Variants in DLGAP2 observed in about 807,000 individuals in gnomAD.
The protein encoded by DLGAP2 is DLG associated protein 2, also known as disks large-associated protein 2.
A neutral mutation model predicts 100.3 loss-of-function variants in DLGAP2; 26 were observed. The ratio of observed to expected loss-of-function variants is 0.26; its 90% CI spans 0.19 to 0.36. DLGAP2 has a LOEUF of 0.36. DLGAP2 is among the 10% of genes least tolerant of loss of function. The pLI is 1.00. For missense variants in DLGAP2, 1,858 were observed against 1,453.2 expected (o/e 1.28, Z -4.53); for synonymous variants, 886 against 630.1 (o/e 1.41, Z -6.08).
chr8:870,053 C>T lies in DLGAP2; in HGVS notation c.19-37859C>T, dbSNP rs926836576. On this transcript the variant is annotated intron_variant, in intron 1 of 14. Coordinates refer to ENST00000637795, the MANE Select transcript of DLGAP2 (RefSeq NM_001346810.2). ...TGAGACTTAAAGTCAAATTCTGGGTCGTCTTTTCATTTCTTATTGTACATT... is the reference window on the plus strand; with the variant it reads ...TGAGACTTAAAGTCAAATTCTGGGTTGTCTTTTCATTTCTTATTGTACATT... Among the ~76,000 whole-genome samples the T allele has an allele frequency of 2.7e-5, 4 of 150,884 alleles. No homozygotes were observed. The East Asian group carries it at 5.8e-4, about 22-fold the overall frequency.
chr8:864,467 G>A (rs1040378598), intron 1 of DLGAP2, among the ~76,000 whole-genome samples: 30 of 152,304 alleles, frequency 2.0e-4, no homozygotes, highest in Admixed American at 9.1e-4. Flanking sequence ...CAACTATTGT[G>A]AGTCAACTAG....
intron 6 of DLGAP2, among the ~76,000 whole-genome samples, chr8:1,601,822 C>G (rs1760108463): frequency 6.6e-6 from 1 of 152,146 alleles, no homozygotes; most frequent in Non-Finnish European, 1.5e-5. Flanking sequence ...TCCTCTCAAT[C>G]CTTGCATAAT....
chr8:1,289,759 C>T (rs567137174), intron 3 of DLGAP2, among the ~76,000 whole-genome samples: 12 of 152,234 alleles, frequency 7.9e-5, no homozygotes, highest in Non-Finnish European at 1.6e-4. Context: ...GCCTCCCCCG[C>T]GAATGCAGGA....
chr8:1,422,357 C>T lies in DLGAP2; in HGVS notation c.107-79009C>T, dbSNP rs548294041. 6.6e-5 allele frequency among the ~76,000 whole-genome samples: 10 copies of T among 152,262 alleles called. No homozygotes were observed. The East Asian group carries it at 1.9e-3, about 29-fold the overall frequency. ...TATGTACCTGTGAAATTTCCGTCCA[C>T]TGCAAGCGAAGTTACACAACTCAAG... On this transcript the variant is annotated intron_variant, in intron 3 of 14. Transcript: ENST00000637795.
At chr8:1,243,854 G>A (rs1798849683) in intron 2 of DLGAP2, among the ~76,000 whole-genome samples, 1 of 152,178 alleles carries the variant, frequency 6.6e-6, no homozygotes, top group Admixed American at 6.5e-5. Context: ...AGGCCCCTGA[G>A]TAACCTCACT....
rs901321785 is a variant in DLGAP2, at chr8:1,032,862, A to C, written c.73+124896A>C. ...GGCATGGACGTTAAAGATGGACAAA[A>C]GAATTGTTCACGGTGTTGTATTTTA... is the stretch of plus-strand genomic sequence containing the variant. On this transcript the variant is annotated intron_variant, in intron 2 of 14. Transcript: ENST00000637795. 5.3e-5 allele frequency: 8 copies of C among 152,362 alleles called. No individual in the cohort carries two copies. In the East Asian group the frequency reaches 1.4e-3, roughly 26 times the overall value. 9.4% of individuals were successfully genotyped at this position (152,362 alleles called of 1,614,324 possible).
At chr8:973,171 C>A (rs1260983783) in intron 2 of DLGAP2, among the ~76,000 whole-genome samples, 2 of 152,156 alleles carry the variant, frequency 1.3e-5, no homozygotes, top group Non-Finnish European at 2.9e-5. Context: ...CAGAGGGGCT[C>A]CTCACTTCCC....
rs1797311598 is a variant in DLGAP2, at chr8:1,178,600, C to G, written c.74-80251C>G. 2.0e-5 allele frequency among the ~76,000 whole-genome samples: 3 copies of G among 152,070 alleles called. No individual in the cohort carries two copies. In the South Asian group the frequency reaches 6.2e-4, roughly 32 times the overall value. ...GACATCTCTCTTTTTTTTAGGTAAGCTTAGCTCCTACTTAATTTTGCCCAG... is the reference window on the plus strand; with the variant it reads ...GACATCTCTCTTTTTTTTAGGTAAGGTTAGCTCCTACTTAATTTTGCCCAG... On this transcript the variant is annotated intron_variant, in intron 2 of 14. Transcript: ENST00000637795.
chr8:1,068,661 G>C (rs1238615769), intron 2 of DLGAP2, among the ~76,000 whole-genome samples: 1 of 152,140 alleles, frequency 6.6e-6, no homozygotes, highest in African/African-American at 2.4e-5. Context: ...CGGAGGGAGG[G>C]AAGTGCTGCA....
At chr8:1,431,286 T>C (rs565485879) in intron 3 of DLGAP2, among the ~76,000 whole-genome samples, 1 of 152,334 alleles carries the variant, frequency 6.6e-6, no homozygotes, top group East Asian at 1.9e-4. Context: ...TTTTGTAATG[T>C]TTTTAAAGAC....
intron 6 of DLGAP2, chr8:1,621,828 G>T (rs796648095): frequency 1.3e-5 from 2 of 152,268 alleles, no homozygotes; most frequent in African/African-American, 4.8e-5. Context: ...GCAGTCAAGA[G>T]CCCAGAGATG....
At chr8:1,146,598 C>CGCATGTGTGTGCATGCACGTGTGTGCAT (rs1270880344) in intron 2 of DLGAP2, among the ~76,000 whole-genome samples, 3 of 151,880 alleles carry the variant, frequency 2.0e-5, no homozygotes, top group African/African-American at 4.8e-5. Flanking sequence ...TGTGCACCTG[C>CGCATGTGTGTGCATGCACGTGTGTGCAT]GCATGTGTGT....
intron 6 of DLGAP2, among the ~76,000 whole-genome samples, chr8:1,618,000 A>C (rs779560820): frequency 2.0e-5 from 3 of 152,230 alleles, no homozygotes; most frequent in African/African-American, 7.2e-5. Context: ...AAAAATGTCA[A>C]CATTAAGGGT....
At chr8:885,057 A>G (rs753431872) in intron 1 of DLGAP2, among the ~76,000 whole-genome samples, 1 of 152,184 alleles carries the variant, frequency 6.6e-6, no homozygotes, top group Non-Finnish European at 1.5e-5. Flanking sequence ...GTTTGATGTC[A>G]GGTAGCATGA....
chr8:1,342,821 T>G (rs1801449739), intron 3 of DLGAP2, among the ~76,000 whole-genome samples: 1 of 152,186 alleles, frequency 6.6e-6, no homozygotes, highest in Non-Finnish European at 1.5e-5. Context: ...CTCCTGTGAT[T>G]TAGCGCTGTA....
chr8:1,495,805 G>A (rs1290866674), intron 3 of DLGAP2, among the ~76,000 whole-genome samples: 3 of 152,160 alleles, frequency 2.0e-5, no homozygotes, highest in Admixed American at 6.5e-5. Context: ...CTGCGATGAC[G>A]TGCGATTCAC....
intron 2 of DLGAP2, among the ~76,000 whole-genome samples, chr8:1,243,655 T>C (rs1210025820): frequency 4.6e-5 from 7 of 152,180 alleles, no homozygotes; most frequent in African/African-American, 9.7e-5. Context: ...ACGGTTCCCA[T>C]GTCCCATACT....
intron 3 of DLGAP2, among the ~76,000 whole-genome samples, chr8:1,364,470 G>A (rs374714265): frequency 4.1e-4 from 62 of 149,470 alleles, no homozygotes; most frequent in Non-Finnish European, 3.6e-4. Flanking sequence ...GCACCGCTGC[G>A]AGAGGGAGGC....
chr8:1,599,342 G>T (rs1016343374), intron 6 of DLGAP2, among the ~76,000 whole-genome samples: 2 of 152,188 alleles, frequency 1.3e-5, no homozygotes, highest in Non-Finnish European at 2.9e-5. Flanking sequence ...ATATTCTGTT[G>T]ATTTAGGGTG....
Sources: allele counts gnomAD v4.1 joint callset (sites outside exome capture counted in the v4.1 genomes callset), GRCh38; gene constraint gnomAD v4.1.1; transcripts MANE v1.5; gene names NCBI Gene and HGNC (gene_info 2026-07-23, HGNC 2026-07-21).